GLIS3: variants seen among roughly 807,000 people sequenced by gnomAD.
The protein encoded by GLIS3 is GLIS family zinc finger 3.
A neutral mutation model predicts 78.6 loss-of-function variants in GLIS3; 53 were observed. The observed-to-expected ratio is 0.67, with a 90% CI of 0.54 to 0.85. GLIS3 has a LOEUF of 0.85. GLIS3 is among the 40% of genes least tolerant of loss of function. The pLI is 0.00. For missense variants in GLIS3, 1,703 were observed against 1,231.1 expected (o/e 1.38, Z -5.74); for synonymous variants, 684 against 509.9 (o/e 1.34, Z -4.60).
the GLIS3 span, among the ~76,000 whole-genome samples, chr9:4,453,012 A>G: frequency 5.3e-5 from 8 of 152,288 alleles, no homozygotes; most frequent in Middle Eastern, 3.4e-3. Flanking sequence ...AACACCACAC[A>G]TCTACCACCA....
intron 4 of GLIS3, among the ~76,000 whole-genome samples, chr9:4,058,458 A>T (rs938193509): frequency 4.0e-5 from 6 of 151,826 alleles, no homozygotes; most frequent in African/African-American, 1.4e-4. Flanking sequence ...TTAAAAAAAA[A>T]AACAGTTCCC....
At chr9:3,992,027 G>C (rs781400939) in intron 4 of GLIS3, among the ~76,000 whole-genome samples, 29 of 152,052 alleles carry the variant, frequency 1.9e-4, no homozygotes, top group Non-Finnish European at 4.1e-4. Context: ...TGTATCTTAA[G>C]GCCAATTACT....
At chr9:3,829,239 G>T in intron 10 of GLIS3, 71 bp downstream of exon 10, 1 of 1,360,352 alleles carries the variant, frequency 7.4e-7, no homozygotes, top group Non-Finnish European at 1.1e-6. Context: ...AGCCCAGGTC[G>T]GTCACGGGCA....
chr9:3,853,263 C>G (rs1819547132), intron 9 of GLIS3, among the ~76,000 whole-genome samples: 1 of 151,966 alleles, frequency 6.6e-6, no homozygotes, highest in African/African-American at 2.4e-5. Context: ...TTCAAGTTGA[C>G]AATACATTCA....
At chr9:4,143,532 A>C (rs1348116184) in intron 2 of GLIS3, among the ~76,000 whole-genome samples, 2 of 151,736 alleles carry the variant, frequency 1.3e-5, no homozygotes, top group African/African-American at 4.8e-5. Context: ...GCACCACTGC[A>C]CTCCAGCCTG....
chr9:4,387,636 C>T, the GLIS3 span, among the ~76,000 whole-genome samples: 2 of 152,166 alleles, frequency 1.3e-5, no homozygotes, highest in African/African-American at 2.4e-5. Context: ...TAAACCAAAT[C>T]TCCTAAAATT....
the GLIS3 span, among the ~76,000 whole-genome samples, chr9:4,401,293 C>A: frequency 6.6e-6 from 1 of 152,122 alleles, no homozygotes; most frequent in Non-Finnish European, 1.5e-5. Context: ...GAGTTTCACT[C>A]TTGTTGCCCA....
intron 4 of GLIS3, among the ~76,000 whole-genome samples, chr9:4,036,449 A>C (rs515380): frequency 2.8e-4 from 43 of 152,034 alleles, no homozygotes; most frequent in African/African-American, 1.0e-3. Flanking sequence ...ATGATTGACA[A>C]CTTGAATTGA....
intron 4 of GLIS3, among the ~76,000 whole-genome samples, chr9:4,115,464 A>C (rs1331514461): frequency 2.0e-5 from 3 of 152,188 alleles, no homozygotes; most frequent in East Asian, 3.9e-4. Context: ...ATGTGTGTGG[A>C]CTCCAAGACT....
chr9:4,140,354 A>C (rs1488967085), intron 2 of GLIS3, among the ~76,000 whole-genome samples: 1 of 152,124 alleles, frequency 6.6e-6, no homozygotes, highest in African/African-American at 2.4e-5. Context: ...GAACAAAAAA[A>C]GCCACCAGAC....
the GLIS3 span, among the ~76,000 whole-genome samples, chr9:4,389,162 T>C: frequency 2.0e-5 from 3 of 152,194 alleles, no homozygotes; most frequent in Non-Finnish European, 4.4e-5. Context: ...GAAAACCCTG[T>C]GACATAGGTA....
At chr9:3,978,208 C>CT (rs563936003) in intron 4 of GLIS3, among the ~76,000 whole-genome samples, 1,659 of 146,040 alleles carry the variant, frequency 0.011, 20 homozygotes, top group African/African-American at 0.036. Flanking sequence ...AAGTCTAAAC[C>CT]TTTTTTTTTT....
At chr9:4,432,019 G>C in the GLIS3 span, among the ~76,000 whole-genome samples, 1 of 152,134 alleles carries the variant, frequency 6.6e-6, no homozygotes, top group Non-Finnish European at 1.5e-5. Context: ...TCAGGCAGCA[G>C]GACCGATCTG....
At chr9:4,199,587 C>G (rs893402243) in intron 2 of GLIS3, among the ~76,000 whole-genome samples, 3 of 151,204 alleles carry the variant, frequency 2.0e-5, no homozygotes, top group Non-Finnish European at 4.4e-5. Context: ...AAGTGGGGCT[C>G]AATTCAACAA....
chr9:4,262,090 C>G (rs1825585192), intron 2 of GLIS3, among the ~76,000 whole-genome samples: 2 of 152,102 alleles, frequency 1.3e-5, no homozygotes, highest in Admixed American at 1.3e-4. Context: ...CTAGTCCAAA[C>G]AGTCTCCTTA....
chr9:4,106,970 C>G (rs1830802525), intron 4 of GLIS3, among the ~76,000 whole-genome samples: 2 of 152,026 alleles, frequency 1.3e-5, no homozygotes, highest in Admixed American at 6.6e-5. Flanking sequence ...GAGCATTTTC[C>G]CAGCAGTGGT....
At chr9:3,891,081 AGAAGAAG>A (rs1171760969) in intron 7 of GLIS3, among the ~76,000 whole-genome samples, 59 of 140,486 alleles carry the variant, frequency 4.2e-4, no homozygotes, top group Middle Eastern at 3.5e-3. Context: ...AAAAAAAAAA[AGAAGAAG>A]AAGAAAGTAG....
chr9:4,487,688 C>CT, the GLIS3 span, among the ~76,000 whole-genome samples: 761 of 146,528 alleles, frequency 5.2e-3, 5 homozygotes, highest in African/African-American at 7.8e-3. Flanking sequence ...ATGGTCAACA[C>CT]TTTTTTTTTT....
In GLIS3 at chr9:4,260,744, C is replaced by CAAAAAAGAAA. The variant is rs553359352; in HGVS notation, c.388+25284_388+25293dup. On this transcript the variant is annotated intron_variant, in intron 2 of 10. Transcript: ENST00000381971. ...CTGGTGACAGAGCAAGACTCCGTCCCAAAAAAGAAAAAAAAAGAAAAAAAG... is the reference window on the plus strand; with the variant it reads ...CTGGTGACAGAGCAAGACTCCGTCCCAAAAAAGAAAAAAAAAGAAAAAAAAAGAAAAAAAG... Among the ~76,000 whole-genome samples, 7 of 151,166 alleles carry CAAAAAAGAAA rather than the reference C, an allele frequency of 4.6e-5. 1 individual carries two copies. The highest frequency in any genetic ancestry group is 1.9e-4 in the East Asian group (1 of 5,146).
Sources: gnomAD v4.1 joint callset for allele counts (sites outside exome capture counted in the v4.1 genomes callset) on GRCh38, gnomAD v4.1.1 for gene constraint, MANE v1.5 for transcripts, NCBI Gene and HGNC (gene_info 2026-07-23, HGNC 2026-07-21) for gene names.